SIPA1L3: variants seen among roughly 807,000 people sequenced by gnomAD.
The protein encoded by SIPA1L3 is signal induced proliferation associated 1 like 3.
In SIPA1L3, 59 loss-of-function variants were observed where a neutral mutation model predicts 150.1. That is an observed-to-expected ratio of 0.39 (90% CI 0.32 to 0.49). The LOEUF (loss-of-function observed/expected upper bound fraction) is 0.49, where lower values mean the gene tolerates loss of function less well. Ranked by LOEUF, SIPA1L3 falls within the 20% of genes least tolerant of loss-of-function variation. The pLI, the probability that SIPA1L3 is intolerant of heterozygous loss-of-function variation, is 0.86. For synonymous variants in SIPA1L3, 1,070 were observed against 1,077.6 expected (o/e 0.99, Z 0.14); for missense variants, 2,211 against 2,489.5 (o/e 0.89, Z 2.38).
chr19:37,972,781 ACTATAGTTTGC>A (rs1311338199), intron 1 of SIPA1L3, among the ~76,000 whole-genome samples: 1 of 152,140 alleles, frequency 6.6e-6, no homozygotes, highest in African/African-American at 2.4e-5. Context: ...AAGCATGAAA[ACTATAGTTTGC>A]CTATATTCCT....
intron 9 of SIPA1L3, 49 bp downstream of exon 9, chr19:38,119,931 C>T (rs748708711): frequency 6.6e-6 from 9 of 1,362,306 alleles, no homozygotes; most frequent in African/African-American, 2.9e-5. Flanking sequence ...TGGTTTCGGC[C>T]TCAGGAACCA....
chr19:38,055,342 C>T (rs1969292225), intron 2 of SIPA1L3, among the ~76,000 whole-genome samples: 1 of 152,134 alleles, frequency 6.6e-6, no homozygotes, highest in South Asian at 2.1e-4. Flanking sequence ...CTTGCTGTCC[C>T]CAGCATGTCA....
At chr19:38,040,211 A>G (rs1218818073) in intron 2 of SIPA1L3, among the ~76,000 whole-genome samples, 2 of 152,156 alleles carry the variant, frequency 1.3e-5, no homozygotes, top group Non-Finnish European at 2.9e-5. Context: ...CCTTATTACA[A>G]GAGTCACTTT....
intron 1 of SIPA1L3, among the ~76,000 whole-genome samples, chr19:37,940,684 G>A (rs1372794156): frequency 2.0e-5 from 3 of 151,938 alleles, no homozygotes; most frequent in Non-Finnish European, 2.9e-5. Context: ...GAGTTCAGGC[G>A]ATTCTCCACC....
In SIPA1L3 at chr19:37,983,905, CAAAAAAAAAAA is replaced by C. The variant is rs397859822; in HGVS notation, c.-378-45173_-378-45163del. Among the ~76,000 whole-genome samples, 5 of 75,858 alleles carry C rather than the reference CAAAAAAAAAAA, an allele frequency of 6.6e-5. No individual in the cohort carries two copies. The Admixed American group carries it at 7.5e-4, about 11-fold the overall frequency. The allele number at this position is 75,858 out of a possible 152,430, so 49.8% of individuals were successfully genotyped here. On this transcript the variant is annotated intron_variant, in intron 1 of 21. Coordinates refer to ENST00000222345, the MANE Select transcript of SIPA1L3 (RefSeq NM_015073.3). Reference sequence around the variant, plus strand: ...TGGGTGACTGAGCGAGACCCCATCTCAAAAAAAAAAAAAAAAAAAAAGATTGCTCAGCACTG... The same window carrying C: ...TGGGTGACTGAGCGAGACCCCATCTCAAAAAAAAAAGATTGCTCAGCACTG...
intron 1 of SIPA1L3, among the ~76,000 whole-genome samples, chr19:37,982,729 T>A (rs1967233013): frequency 6.6e-6 from 1 of 152,174 alleles, no homozygotes. Flanking sequence ...CCAAGGGCTG[T>A]ATAGTGGCTT....
Position 38,207,011 on chromosome 19 carries a change from C to G in SIPA1L3, c.*771C>G, listed in dbSNP as rs1168458171. 1 of 152,248 alleles carries G rather than the reference C, an allele frequency of 6.6e-6. No individual in the cohort carries two copies. The highest frequency in any genetic ancestry group is 2.4e-5 in the African/African-American group (1 of 41,450). The allele number at this position is 152,248 out of a possible 1,614,324, so 9.4% of individuals were successfully genotyped here. A position where few individuals can be genotyped will look rare whatever the true frequency, so the allele number is the denominator to read the frequency against. On this transcript the variant is annotated 3_prime_UTR_variant, in exon 22 of 22. Coordinates refer to ENST00000222345, the MANE Select transcript of SIPA1L3 (RefSeq NM_015073.3). ...TCCGCCAGAGGCCACTGCACCTGGG[C>G]TAGGGGTCCACAGGCCCCTCCACCT... is the stretch of plus-strand genomic sequence containing the variant.
rs186594556 is a variant in SIPA1L3 at position 38,100,812 on chromosome 19, A to G, written c.1855-240A>G. Among the ~76,000 whole-genome samples the G allele has an allele frequency of 1.1e-3, 162 of 152,336 alleles. 2 individuals are homozygous for G. In the East Asian group the frequency reaches 0.016, roughly 15 times the overall value. On this transcript the variant is annotated intron_variant, in intron 5 of 21. Transcript: ENST00000222345. Reference sequence around the variant, plus strand: ...CATCACCAGCCGTCCTCCACCCGCCATAGCGAGAAGAGGCGGCCTGGATAC... The same window carrying G: ...CATCACCAGCCGTCCTCCACCCGCCGTAGCGAGAAGAGGCGGCCTGGATAC...
chr19:38,135,731 C>T (rs559420171), intron 10 of SIPA1L3, among the ~76,000 whole-genome samples: 2 of 152,126 alleles, frequency 1.3e-5, no homozygotes, highest in Non-Finnish European at 2.9e-5. Flanking sequence ...AACAGGATCT[C>T]CCGTTTGCAG....
chr19:38,122,290 A>C (rs1429332276), intron 9 of SIPA1L3, among the ~76,000 whole-genome samples: 1 of 152,180 alleles, frequency 6.6e-6, no homozygotes, highest in East Asian at 1.9e-4. Flanking sequence ...ACTTTGTAAA[A>C]TAGAAGTCCT....
At chr19:37,990,830 TTA>T (rs1476013983) in intron 1 of SIPA1L3, among the ~76,000 whole-genome samples, 7 of 152,234 alleles carry the variant, frequency 4.6e-5, no homozygotes, top group African/African-American at 1.4e-4. Context: ...CGAGTGCTTT[TTA>T]ATCCCCATGA....
chr19:38,159,517 G>A (rs1459684080), intron 13 of SIPA1L3, among the ~76,000 whole-genome samples: 2 of 152,188 alleles, frequency 1.3e-5, no homozygotes, highest in East Asian at 1.9e-4. Flanking sequence ...CCAAGCCCAC[G>A]GCCCATCATT....
At chr19:38,175,935 C>T (rs559292873) in intron 15 of SIPA1L3, among the ~76,000 whole-genome samples, 1 of 152,012 alleles carries the variant, frequency 6.6e-6, no homozygotes, top group Non-Finnish European at 1.5e-5. Context: ...AGGCTGGGCG[C>T]TGTGGCTCAC....
intron 1 of SIPA1L3, among the ~76,000 whole-genome samples, chr19:37,938,516 T>C (rs1197584756): frequency 7.2e-5 from 11 of 152,222 alleles, no homozygotes; most frequent in Admixed American, 7.2e-4. Context: ...CTCATTGTGG[T>C]TAATTTACCC....
chr19:38,173,062 A>G (rs1972361280), intron 15 of SIPA1L3, among the ~76,000 whole-genome samples: 1 of 152,200 alleles, frequency 6.6e-6, no homozygotes, highest in Non-Finnish European at 1.5e-5. Flanking sequence ...AGATCACATC[A>G]CTGCACTCAG....
intron 2 of SIPA1L3, among the ~76,000 whole-genome samples, chr19:38,031,163 A>G (rs1195498151): frequency 1.3e-5 from 2 of 152,234 alleles, no homozygotes; most frequent in Non-Finnish European, 2.9e-5. Context: ...GTTATAAAAA[A>G]GTTGTGAAAA....
At chr19:37,993,086 G>A (rs1967553744) in intron 1 of SIPA1L3, among the ~76,000 whole-genome samples, 1 of 152,166 alleles carries the variant, frequency 6.6e-6, no homozygotes. Context: ...AATAGTGAGG[G>A]CAATGGAGGG....
At chr19:38,045,730 A>G (rs1969041800) in intron 2 of SIPA1L3, among the ~76,000 whole-genome samples, 1 of 152,096 alleles carries the variant, frequency 6.6e-6, no homozygotes, top group African/African-American at 2.4e-5. Context: ...ATGAACAGGA[A>G]CTAGCCTGGG....
intron 2 of SIPA1L3, among the ~76,000 whole-genome samples, chr19:38,050,585 A>G (rs941244991): frequency 6.6e-6 from 1 of 152,122 alleles, no homozygotes; most frequent in African/African-American, 2.4e-5. Context: ...GTATCCTTTC[A>G]CTTTCAATGC....
Sources: allele counts gnomAD v4.1 joint callset (sites outside exome capture counted in the v4.1 genomes callset), GRCh38; gene constraint gnomAD v4.1.1; transcripts MANE v1.5; gene names NCBI Gene and HGNC (gene_info 2026-07-23, HGNC 2026-07-21).